The following CCDC12 variants were observed in gnomAD, a reference collection of about 807,000 sequenced individuals.
CCDC12 encodes the protein coiled-coil domain containing 12, also known as coiled-coil domain-containing protein 12.
In CCDC12, 28 loss-of-function variants were observed where a neutral mutation model predicts 25.7. That is an observed-to-expected ratio of 1.09 (90% CI 0.81 to 1.50). CCDC12 has a LOEUF of 1.50. Ranked by LOEUF, CCDC12 falls within the 40% of genes most tolerant of loss-of-function variation. The probability of loss-of-function intolerance (pLI) is 0.00; values close to 1 mark genes in which losing one functional copy is unlikely to be tolerated. For missense variants in CCDC12, 198 were observed against 210.0 expected (o/e 0.94, Z 0.35); for synonymous variants, 75 against 87.7 (o/e 0.86, Z 0.81).
At chr3:46,928,885 C>T (rs989499200) in intron 2 of CCDC12, among the ~76,000 whole-genome samples, 4 of 152,016 alleles carry the variant, frequency 2.6e-5, no homozygotes, top group Admixed American at 6.6e-5. Flanking sequence ...CCAGCTACTT[C>T]GGAGGCTAAG....
chr3:46,964,833 C>T (rs1296388534), intron 1 of CCDC12, among the ~76,000 whole-genome samples: 2 of 152,140 alleles, frequency 1.3e-5, no homozygotes, highest in Non-Finnish European at 2.9e-5. Flanking sequence ...GCAGGGTCCT[C>T]TGCCTAGGAA....
chr3:46,966,213 A>G (rs893837556), intron 1 of CCDC12: 1 of 152,476 alleles, frequency 6.6e-6, no homozygotes, highest in African/African-American at 2.4e-5. Flanking sequence ...TTGAAAAAAG[A>G]AAGAAAGAAA....
intron 1 of CCDC12, among the ~76,000 whole-genome samples, chr3:46,959,587 T>C: frequency 6.6e-6 from 1 of 152,168 alleles, no homozygotes. Flanking sequence ...CAGCCATCAG[T>C]GTCACCCGGA....
At chr3:46,964,979 A>T (rs1172778771) in intron 1 of CCDC12, among the ~76,000 whole-genome samples, 1 of 151,860 alleles carries the variant, frequency 6.6e-6, no homozygotes, top group Non-Finnish European at 1.5e-5. Flanking sequence ...ATAAAATAAA[A>T]TAAAATAATT....
At chr3:46,955,550 C>T (rs576913075) in intron 1 of CCDC12, among the ~76,000 whole-genome samples, 1 of 152,154 alleles carries the variant, frequency 6.6e-6, no homozygotes, top group East Asian at 1.9e-4. Flanking sequence ...AGGGGAATGT[C>T]AGGGTCACTA....
chr3:46,949,161 G>A (rs1575552235), intron 1 of CCDC12, among the ~76,000 whole-genome samples: 1 of 152,334 alleles, frequency 6.6e-6, no homozygotes, highest in East Asian at 1.9e-4. Context: ...GGGGAAAAGG[G>A]AAGGTGTCAA....
At chr3:46,950,218 G>A (rs562212461) in intron 1 of CCDC12, among the ~76,000 whole-genome samples, 4 of 152,082 alleles carry the variant, frequency 2.6e-5, no homozygotes, top group African/African-American at 9.6e-5. Context: ...CACTTAACAA[G>A]AACCCAGGAC....
At chr3:46,962,702 C>T (rs1158438849) in intron 1 of CCDC12, among the ~76,000 whole-genome samples, 1 of 152,164 alleles carries the variant, frequency 6.6e-6, no homozygotes, top group African/African-American at 2.4e-5. Context: ...TATACCTCCA[C>T]CAGCCTGGCT....
At chr3:46,939,026 C>G (rs1483530906) in intron 2 of CCDC12, among the ~76,000 whole-genome samples, 1 of 152,166 alleles carries the variant, frequency 6.6e-6, no homozygotes, top group Non-Finnish European at 1.5e-5. Flanking sequence ...TCGTTAACAG[C>G]CTGTCTCCTT....
chr3:46,950,569 T>C (rs1385943389), intron 1 of CCDC12, among the ~76,000 whole-genome samples: 1 of 151,902 alleles, frequency 6.6e-6, no homozygotes, highest in Non-Finnish European at 1.5e-5. Flanking sequence ...TCCTCCTGCC[T>C]TGGCCTCCCA....
chr3:46,976,874 G>A (rs1296697217), upstream of CCDC12: 1 of 1,403,098 alleles, frequency 7.1e-7, no homozygotes. Flanking sequence ...GGTTATTATG[G>A]GCGAGCCCTC....
upstream of CCDC12, chr3:46,979,746 C>G (rs1358605807): frequency 6.2e-6 from 2 of 325,022 alleles, no homozygotes; most frequent in Admixed American, 5.0e-5. Context: ...TAGTACCGCG[C>G]CGCTCCGCCC....
intron 3 of CCDC12, 119 bp from the exon 4 acceptor site, chr3:46,923,787 T>G (rs2107100257): frequency 2.4e-6 from 2 of 820,964 alleles, no homozygotes; most frequent in Middle Eastern, 7.8e-4. Context: ...CTCCCACCTC[T>G]GTGTGGCCCG....
chr3:46,924,607 C>T (rs372111066), intron 3 of CCDC12, among the ~76,000 whole-genome samples: 3 of 152,162 alleles, frequency 2.0e-5, no homozygotes, highest in East Asian at 1.9e-4. Flanking sequence ...CACTTTGGGA[C>T]GCCAAGGCGG....
chr3:46,945,993 A>G (rs985321221), intron 1 of CCDC12, among the ~76,000 whole-genome samples: 4 of 152,194 alleles, frequency 2.6e-5, no homozygotes, highest in African/African-American at 7.2e-5. Context: ...GGATCCCTCA[A>G]TGGATGAGTA....
At chr3:46,925,386 C>A (rs1415902910) in intron 3 of CCDC12, 70 bp downstream of exon 3, 16 of 1,339,856 alleles carry the variant, frequency 1.2e-5, no homozygotes, top group Non-Finnish European at 1.6e-5. Context: ...TCTCAGAGAG[C>A]AAAGCCTGCT....
chr3:46,979,710 G>A, upstream of CCDC12: 1 of 309,316 alleles, frequency 3.2e-6, no homozygotes, highest in Non-Finnish European at 5.9e-6. Context: ...CTGCGCCGCG[G>A]AGGCCACAGC....
At chr3:46,967,981 G>A (rs1158868082) in intron 1 of CCDC12, among the ~76,000 whole-genome samples, 1 of 152,136 alleles carries the variant, frequency 6.6e-6, no homozygotes, top group East Asian at 1.9e-4. Flanking sequence ...ACTGCAAATT[G>A]TCTCTCAAGA....
chr3:46,936,800 G>A (rs2033460372), intron 2 of CCDC12, among the ~76,000 whole-genome samples: 1 of 152,188 alleles, frequency 6.6e-6, no homozygotes, highest in Non-Finnish European at 1.5e-5. Flanking sequence ...GACACTGAGT[G>A]ACCTGGAGAG....
Sources: allele counts gnomAD v4.1 joint callset (sites outside exome capture counted in the v4.1 genomes callset), GRCh38; gene constraint gnomAD v4.1.1; transcripts MANE v1.5; gene names NCBI Gene and HGNC (gene_info 2026-07-23, HGNC 2026-07-21).